The following MYOF variants were observed in gnomAD, a reference collection of about 807,000 sequenced individuals.
MYOF encodes myoferlin.
In MYOF, 244 loss-of-function variants were observed where a neutral mutation model predicts 284.2. The observed-to-expected ratio is 0.86, with a 90% CI of 0.77 to 0.95. MYOF has a LOEUF of 0.95. Among genes scored for constraint, MYOF ranks in the 40% least tolerant of loss-of-function variants. The pLI is 0.00. For synonymous variants in MYOF, 904 were observed against 919.7 expected, an observed-to-expected ratio of 0.98 and a Z score of 0.31; for missense variants, 2,496 against 2,560.6, an observed-to-expected ratio of 0.97 and a Z score of 0.54.
intron 49 of MYOF, among the ~76,000 whole-genome samples, chr10:93,318,811 A>G (rs1396604200): frequency 1.3e-5 from 2 of 152,174 alleles, no homozygotes; most frequent in Non-Finnish European, 2.9e-5. Context: ...TAGGGCCAGC[A>G]GAGGGTAGGC....
At chr10:93,366,317 A>C (rs933409767) in intron 26 of MYOF, 75 bp downstream of exon 26, 10 of 1,445,012 alleles carry the variant, frequency 6.9e-6, no homozygotes, top group Non-Finnish European at 7.7e-6. Flanking sequence ...ATGATGACGG[A>C]GATATAATAT....
At chr10:93,364,305 A>G (rs769171446) in intron 26 of MYOF, among the ~76,000 whole-genome samples, 43 of 152,196 alleles carry the variant, frequency 2.8e-4, no homozygotes, top group Non-Finnish European at 4.7e-4. Flanking sequence ...GAACTCCTCA[A>G]ATTAACAAGG....
chr10:93,428,586 C>A (rs1054066856), intron 4 of MYOF, among the ~76,000 whole-genome samples: 27 of 151,450 alleles, frequency 1.8e-4, no homozygotes, highest in Admixed American at 1.5e-3. Context: ...CACACACACA[C>A]ACACACACAC....
chr10:93,321,412 C>CTTTTTT (rs35765868), intron 48 of MYOF, among the ~76,000 whole-genome samples: 5 of 121,188 alleles, frequency 4.1e-5, no homozygotes, highest in African/African-American at 1.5e-4. Flanking sequence ...GACTATTAAC[C>CTTTTTT]TTTTTTTTTT....
At chr10:93,338,968 T>C (rs1843744687) in intron 39 of MYOF, among the ~76,000 whole-genome samples, 1 of 148,588 alleles carries the variant, frequency 6.7e-6, no homozygotes, top group Non-Finnish European at 1.5e-5. Context: ...TCACCTGCAG[T>C]AGAGCCTCTT....
intron 20 of MYOF, 80 bp downstream of exon 20, chr10:93,381,139 G>C: frequency 7.0e-7 from 1 of 1,434,372 alleles, no homozygotes; most frequent in Non-Finnish European, 9.7e-7. Flanking sequence ...CAGTGCCAGA[G>C]GGAAGACACA....
chr10:93,415,745 TCTCCTGTTGCTACTTAAGGAGTTTTGC>T (rs1441556704), intron 5 of MYOF, among the ~76,000 whole-genome samples: 1 of 152,216 alleles, frequency 6.6e-6, no homozygotes, highest in Non-Finnish European at 1.5e-5. Context: ...ACAGATCCTA[TCTCCTGTTGCTACTTAAGGAGTTTTGC>T]CTCTTTATAC....
At chr10:93,427,382 T>C (rs898091896) in intron 4 of MYOF, among the ~76,000 whole-genome samples, 9 of 151,618 alleles carry the variant, frequency 5.9e-5, no homozygotes, top group African/African-American at 1.9e-4. Context: ...AATACAAAAA[T>C]TAGCTGGGCT....
At chr10:93,426,927 G>A (rs76477227) in intron 4 of MYOF, among the ~76,000 whole-genome samples, 8,445 of 132,052 alleles carry the variant, frequency 0.064, 1,132 homozygotes, top group East Asian at 0.63. Flanking sequence ...TCACTCTGTC[G>A]CCCAGGCTGG....
At chr10:93,369,821 A>C in intron 24 of MYOF, 45 bp from the exon 25 acceptor site, 1 of 1,609,186 alleles carries the variant, frequency 6.2e-7, no homozygotes, top group South Asian at 1.1e-5. Flanking sequence ...AGGCACAGCA[A>C]AGACTGTGAC....
Position 93,469,697 on chromosome 10 carries a change from C to A in MYOF, c.88+12410G>T, listed in dbSNP as rs570373552. Reference sequence around the variant, plus strand: ...TTGCCAGCAATGTGGGCTGAGTTCACGTGCCTGACCACAGGATGGGCCAGA... The same window carrying A: ...TTGCCAGCAATGTGGGCTGAGTTCAAGTGCCTGACCACAGGATGGGCCAGA... On this transcript the variant is annotated intron_variant, in intron 1 of 53. Coordinates refer to ENST00000359263, the MANE Select transcript of MYOF (RefSeq NM_013451.4). Among the ~76,000 whole-genome samples, 5 of 152,270 alleles carry A rather than the reference C, an allele frequency of 3.3e-5. No homozygotes were observed. In the South Asian group the frequency reaches 8.3e-4, roughly 25 times the overall value.
intron 1 of MYOF, among the ~76,000 whole-genome samples, chr10:93,470,919 G>GGGAGT (rs1220397841): frequency 6.6e-6 from 1 of 152,186 alleles, no homozygotes; most frequent in African/African-American, 2.4e-5. Flanking sequence ...GACAGAGACA[G>GGGAGT]GGAGTGTCCT....
At position 93,351,731 on chromosome 10, in the gene MYOF, C is replaced by A. The variant is rs368753641; in HGVS notation, c.3597G>T (p.Gly1199=). The A allele has an allele frequency of 7.5e-6, 12 of 1,599,084 alleles. No homozygotes were observed. The highest frequency in any genetic ancestry group is 1.0e-5 in the Non-Finnish European group (12 of 1,176,196). ...GATTCTGTAGAACTGTTTGGGGTTC[C>A]CCATAGATTTCAACTTCATCGAATA... ...TIIFDEVEIY[G]EPQTVLQNPP... Residue 1199 remains glycine, a synonymous_variant, in exon 33 of 54, where the codon GGG becomes GGT. Coordinates refer to ENST00000359263, the MANE Select transcript of MYOF (RefSeq NM_013451.4).
chr10:93,334,276 C>T (rs547980567), intron 41 of MYOF, among the ~76,000 whole-genome samples: 16 of 152,204 alleles, frequency 1.1e-4, no homozygotes, highest in East Asian at 3.9e-4. Context: ...ACAGTGATTC[C>T]GCTTTTCCTG....
chr10:93,312,007 CTTGA>C (rs1343995036), intron 51 of MYOF, among the ~76,000 whole-genome samples: 21 of 152,244 alleles, frequency 1.4e-4, no homozygotes, highest in South Asian at 8.3e-4. Flanking sequence ...GGTTCTGGAT[CTTGA>C]TTATGGTTCA....
At chr10:93,477,212 C>CCAGATG (rs1439145695) in intron 1 of MYOF, among the ~76,000 whole-genome samples, 1 of 152,244 alleles carries the variant, frequency 6.6e-6, no homozygotes, top group Non-Finnish European at 1.5e-5. Context: ...AAAGAAAAGG[C>CCAGATG]CAGATGCAGT....
At chr10:93,352,755 T>C (rs915391632) in intron 32 of MYOF, among the ~76,000 whole-genome samples, 3 of 152,226 alleles carry the variant, frequency 2.0e-5, no homozygotes, top group Admixed American at 2.0e-4. Flanking sequence ...CTGCAAGGAA[T>C]GTGCTTAGAG....
In MYOF at chr10:93,355,654, G is replaced by T; in HGVS notation, c.3377C>A (p.Thr1126Asn). The T allele has an allele frequency of 6.2e-7, 1 of 1,610,266 alleles. No individual in the cohort carries two copies. The highest frequency in any genetic ancestry group is 8.5e-7 in the Non-Finnish European group (1 of 1,177,476). ...GTCAAAATTGCAGGAAACAATGGGGGTGTTTGCTCCGAACACAGTGGTGGC... is the reference window on the plus strand; with the variant it reads ...GTCAAAATTGCAGGAAACAATGGGGTTGTTTGCTCCGAACACAGTGGTGGC... ...HSATTVFGANTPIVSCNFDRV... is the reference protein window; with the variant it reads ...HSATTVFGANNPIVSCNFDRV... The change falls in exon 31 of 54, where the codon ACC becomes AAC. Residue 1126 changes from threonine to asparagine, a missense_variant. Thr to Asn is a moderately conservative substitution (Grantham distance 65). Around this residue, in one of 3 missense-constraint regions of MYOF, gnomAD observed 2,436 missense variants for 2,480.7 expected, o/e 0.98. Coordinates refer to ENST00000359263, the MANE Select transcript of MYOF (RefSeq NM_013451.4).
chr10:93,329,536 G>T, intron 44 of MYOF, 128 bp downstream of exon 44: 6 of 904,342 alleles, frequency 6.6e-6, no homozygotes, highest in Non-Finnish European at 9.6e-6. Flanking sequence ...TCCTGCGATT[G>T]AAATCCATAC....
Sources: gnomAD v4.1 joint callset for allele counts (sites outside exome capture counted in the v4.1 genomes callset) on GRCh38, gnomAD v4.1.1 for gene constraint, gnomAD v4.1.1 regional missense constraint, MANE v1.5 for transcripts, NCBI Gene and HGNC (gene_info 2026-07-23, HGNC 2026-07-21) for gene names.